Variants in LARGE1 observed in about 807,000 individuals in gnomAD.
LARGE1 encodes xylosyl- and glucuronyltransferase LARGE1.
In LARGE1, 43 loss-of-function variants were observed where a neutral mutation model predicts 87.6. The observed-to-expected ratio is 0.49, with a 90% CI of 0.38 to 0.63. LARGE1 has a LOEUF of 0.63. Among genes scored for constraint, LARGE1 ranks in the 30% least tolerant of loss-of-function variants. LARGE1 has a pLI of 0.00. For missense variants in LARGE1, 802 were observed against 1,000.2 expected, an observed-to-expected ratio of 0.80 and a Z score of 2.67; for synonymous variants, 434 against 394.6, an observed-to-expected ratio of 1.10 and a Z score of -1.18.
chr22:33,701,922 G>T (rs12159462), intron 2 of LARGE1, among the ~76,000 whole-genome samples: 2 of 152,136 alleles, frequency 1.3e-5, no homozygotes, highest in Non-Finnish European at 2.9e-5. Flanking sequence ...TTTGAGTGTC[G>T]GCCTCTTGTG....
intron 7 of LARGE1, among the ~76,000 whole-genome samples, chr22:33,430,272 A>G (rs1446623919): frequency 6.6e-6 from 1 of 152,136 alleles, no homozygotes; most frequent in Non-Finnish European, 1.5e-5. Flanking sequence ...ATCAAAGGAG[A>G]CTGACAACCA....
At chr22:33,343,151 A>G (rs1396534268) in intron 9 of LARGE1, among the ~76,000 whole-genome samples, 1 of 152,160 alleles carries the variant, frequency 6.6e-6, no homozygotes, top group African/African-American at 2.4e-5. Context: ...TTTTAGAGAC[A>G]GGGTCTATGC....
chr22:33,608,504 T>C lies in LARGE1; in HGVS notation c.492-3946A>G, dbSNP rs181018729. On this transcript the variant is annotated intron_variant, in intron 4 of 14. Coordinates refer to ENST00000397394, the MANE Select transcript of LARGE1 (RefSeq NM_133642.5). ...CTCATCCGCCATCTGTAGCAAGGCA[T>C]TGTGATACGTATTTAAACTGCTGGC... Among the ~76,000 whole-genome samples the C allele has an allele frequency of 1.7e-3, 256 of 152,332 alleles. 1 individual carries two copies. The highest frequency in any genetic ancestry group is 5.8e-3 in the African/African-American group (242 of 41,576).
At chr22:33,378,698 G>A (rs1601634387) in intron 9 of LARGE1, among the ~76,000 whole-genome samples, 1 of 152,206 alleles carries the variant, frequency 6.6e-6, no homozygotes, top group Non-Finnish European at 1.5e-5. Flanking sequence ...ACACTAGCTG[G>A]GTCCCTATAA....
intron 11 of LARGE1, among the ~76,000 whole-genome samples, chr22:33,180,794 A>G (rs1350076716): frequency 6.6e-6 from 1 of 152,144 alleles, no homozygotes; most frequent in Non-Finnish European, 1.5e-5. Context: ...TCTTGAAAAC[A>G]TTGTTCTAAA....
intron 10 of LARGE1, among the ~76,000 whole-genome samples, chr22:33,329,671 T>A (rs1162664181): frequency 6.6e-6 from 1 of 152,190 alleles, no homozygotes; most frequent in Non-Finnish European, 1.5e-5. Context: ...TCAAATATTG[T>A]AAACTTAGTT....
chr22:33,183,644 A>G (rs1376710411), intron 11 of LARGE1, among the ~76,000 whole-genome samples: 7 of 150,348 alleles, frequency 4.7e-5, no homozygotes, highest in African/African-American at 1.5e-4. Flanking sequence ...ACACACACAC[A>G]CACACACACA....
intron 6 of LARGE1, among the ~76,000 whole-genome samples, chr22:33,529,067 T>C (rs1418087661): frequency 1.3e-5 from 2 of 152,198 alleles, no homozygotes; most frequent in Admixed American, 6.5e-5. Context: ...GCACTTTTTT[T>C]CCTCTAATTA....
intron 1 of LARGE1, among the ~76,000 whole-genome samples, chr22:33,892,073 C>G (rs1048843403): frequency 2.6e-4 from 40 of 152,268 alleles, no homozygotes; most frequent in African/African-American, 8.9e-4. Context: ...TTCTCACCAC[C>G]CTCACAAAAC....
chr22:33,264,889 C>CTTTTTTTTTTTTT (rs200074908), intron 11 of LARGE1, among the ~76,000 whole-genome samples: 3 of 74,374 alleles, frequency 4.0e-5, no homozygotes, highest in African/African-American at 5.6e-5. Flanking sequence ...TGATCAAATT[C>CTTTTTTTTTTTTT]TTTTTTTTTT....
chr22:33,811,459 T>C (rs957636716), intron 1 of LARGE1, among the ~76,000 whole-genome samples: 1 of 152,152 alleles, frequency 6.6e-6, no homozygotes, highest in Non-Finnish European at 1.5e-5. Flanking sequence ...AAGTGATCAT[T>C]TGCATGAGCT....
chr22:33,654,580 G>A (rs938745498), intron 2 of LARGE1, among the ~76,000 whole-genome samples: 1 of 152,108 alleles, frequency 6.6e-6, no homozygotes, highest in Non-Finnish European at 1.5e-5. Context: ...CTTTGCTCAG[G>A]CTTCTCCTGA....
At chr22:33,215,383 G>A (rs987650759) in intron 11 of LARGE1, among the ~76,000 whole-genome samples, 2 of 152,126 alleles carry the variant, frequency 1.3e-5, no homozygotes, top group African/African-American at 4.8e-5. Flanking sequence ...ATTAATAACA[G>A]GTTGTTTCTA....
intron 11 of LARGE1, among the ~76,000 whole-genome samples, chr22:33,252,237 G>A (rs911948962): frequency 7.1e-6 from 1 of 139,982 alleles, no homozygotes; most frequent in African/African-American, 2.7e-5. Flanking sequence ...TCTTTTTAAT[G>A]ATAATTCCTT....
chr22:33,573,477 C>A (rs1249552693), intron 5 of LARGE1, among the ~76,000 whole-genome samples: 1 of 152,150 alleles, frequency 6.6e-6, no homozygotes, highest in African/African-American at 2.4e-5. Flanking sequence ...TGTGAGTATT[C>A]ACCCTTGGCA....
Position 33,249,388 on chromosome 22 carries a change from C to T in LARGE1, c.1730+54841G>A, listed in dbSNP as rs528635143. On this transcript the variant is annotated intron_variant, in intron 11 of 11. Transcript: ENST00000608642. ...TTTGGCACATTTACTAAGCTGGTTG[C>T]TTTTTTTCTTATTGCTGAGTGTTAA... 3.3e-5 allele frequency among the ~76,000 whole-genome samples: 5 copies of T among 152,258 alleles called. No homozygotes were observed. In the Middle Eastern group the frequency reaches 0.01, roughly 311 times the overall value.
At chr22:33,765,204 A>G (rs750028711) in intron 1 of LARGE1, among the ~76,000 whole-genome samples, 31 of 152,214 alleles carry the variant, frequency 2.0e-4, no homozygotes, top group Non-Finnish European at 3.8e-4. Context: ...CAAGGATTAT[A>G]CACTACTAGT....
At chr22:33,425,097 A>C (rs2066831282) in intron 7 of LARGE1, among the ~76,000 whole-genome samples, 1 of 152,036 alleles carries the variant, frequency 6.6e-6, no homozygotes. Flanking sequence ...CCTCACCTCC[A>C]CTAAAAATAC....
At position 33,757,235 on chromosome 22, in the gene LARGE1, A is replaced by G. The variant is rs75600224; in HGVS notation, c.106+4136T>C. On this transcript the variant is annotated intron_variant, in intron 2 of 14. Transcript: ENST00000397394. ...ACAGGGAGACAATGCCTGCCTCCCC[A>G]TAACATTTATGCATTGATCCTGCTT... 1.8e-4 allele frequency among the ~76,000 whole-genome samples: 27 copies of G among 152,312 alleles called. No homozygotes were observed. In the East Asian group the frequency reaches 5.2e-3, roughly 29 times the overall value.
Sources: allele counts gnomAD v4.1 joint callset (sites outside exome capture counted in the v4.1 genomes callset), GRCh38; gene constraint gnomAD v4.1.1; transcripts MANE v1.5; gene names NCBI Gene and HGNC (gene_info 2026-07-23, HGNC 2026-07-21).